The following HK2 variants were observed in gnomAD, a reference collection of about 807,000 sequenced individuals.
HK2 encodes hexokinase 2, also known as hexokinase-2.
In HK2, 42 loss-of-function variants were observed where a neutral mutation model predicts 92.9. The ratio of observed to expected loss-of-function variants is 0.45; its 90% confidence interval spans 0.35 to 0.58. The LOEUF (loss-of-function observed/expected upper bound fraction) is 0.58. Ranked by LOEUF, HK2 falls within the 20% of genes least tolerant of loss-of-function variation. The probability of loss-of-function intolerance (pLI) is 0.00; values close to 1 mark genes in which losing one functional copy is unlikely to be tolerated. For missense variants in HK2, 978 were observed against 1,245.1 expected, an observed-to-expected ratio of 0.79 and a Z score of 3.23; for synonymous variants, 422 against 468.0, an observed-to-expected ratio of 0.90 and a Z score of 1.27.
At chr2:74,872,236 G>A (rs1483084770) in intron 3 of HK2, 64 bp from the exon 4 acceptor site, 16 of 1,574,272 alleles carry the variant, frequency 1.0e-5, no homozygotes, top group Non-Finnish European at 1.3e-5. Context: ...AGCCTGAAGT[G>A]CATGCCCTTA....
chr2:74,862,638 T>A (rs138068617), intron 2 of HK2, among the ~76,000 whole-genome samples: 1 of 152,318 alleles, frequency 6.6e-6, no homozygotes, highest in East Asian at 1.9e-4. Flanking sequence ...AGCGGAGACA[T>A]ACATCCAGAG....
At position 74,877,313 on chromosome 2, in the gene HK2, C is replaced by G; in HGVS notation, c.1023C>G (p.Asp341Glu). The G allele has an allele frequency of 6.2e-7, 1 of 1,614,118 alleles. No individual in the cohort carries two copies. Among genetic ancestry groups the G allele is most frequent in the South Asian group, 1.1e-5 (1 of 91,082 alleles). The stretch of plus-strand genomic sequence containing the variant: ...GCTTTGAGACCAAAGACATCTCAGA[C>G]ATTGAAGGGTGAGCTTCTGGCCAGC... Reference protein sequence around the residue: ...TGRFETKDISDIEGEKDGIRK... With the variant: ...TGRFETKDISEIEGEKDGIRK... The change falls in exon 8 of 18, where the codon GAC (aspartate) becomes GAG (glutamate). Residue 341 changes from aspartate (D) to glutamate (E), a missense_variant. By Grantham distance (45) the Asp-to-Glu change is conservative. Coordinates refer to ENST00000290573, the MANE Select transcript of HK2 (RefSeq NM_000189.5).
intron 4 of HK2, among the ~76,000 whole-genome samples, 191 bp from the exon 5 acceptor site, chr2:74,873,085 A>G (rs1689136915): frequency 6.6e-6 from 1 of 152,270 alleles, no homozygotes; most frequent in African/African-American, 2.4e-5. Flanking sequence ...GTTATGCGGC[A>G]CATGACTGTG....
At chr2:74,886,450 G>A in intron 14 of HK2, 40 bp from the exon 15 acceptor site, 2 of 1,614,036 alleles carry the variant, frequency 1.2e-6, no homozygotes, top group South Asian at 2.2e-5. Flanking sequence ...GTGTGGAGGG[G>A]TTGGTGCTGA....
At chr2:74,879,020 T>G (rs1689314578) in intron 9 of HK2, 99 bp downstream of exon 9, 1 of 1,007,676 alleles carries the variant, frequency 9.9e-7, no homozygotes, top group African/African-American at 1.6e-5. Flanking sequence ...AGGGGTGGTG[T>G]GGAGGGACCA....
Position 74,834,546 on chromosome 2 carries a change from G to T in HK2, c.-35G>T. The T allele has an allele frequency of 6.2e-7, 1 of 1,612,102 alleles. No homozygotes were observed. The highest frequency in any genetic ancestry group is 1.1e-5 in the South Asian group (1 of 91,002). ...GCCTCCCCTCTCGCGTCTCCGCCTC[G>T]GTTTCCCAACTCTGCGCCGTCGGGC... On this transcript the variant is annotated 5_prime_UTR_variant, in exon 1 of 18. Coordinates refer to ENST00000290573, the MANE Select transcript of HK2 (RefSeq NM_000189.5). The surrounding 1 kb of genome is among the most constrained non-coding windows in gnomAD (Gnocchi z 4.2).
chr2:74,854,513 C>CT, intron 2 of HK2, 58 bp downstream of exon 2: 1 of 1,598,208 alleles, frequency 6.3e-7, no homozygotes, highest in Middle Eastern at 1.7e-4. Context: ...ATTTAGTTGG[C>CT]TTTGCTCAGG....
Position 74,873,984 on chromosome 2 carries a change from G to A in HK2, c.691+41G>A. On this transcript the variant is annotated intron_variant, in intron 6 of 17. Transcript: ENST00000290573. ...GCATGAAGGGCCCGTGCTGGCCAAG[G>A]GATGGGGGTGTGGGCTGGAAAGGGA... 1.4e-6 allele frequency: 2 copies of A among 1,468,322 alleles called. 1 individual carries two copies. Among genetic ancestry groups the A allele is most frequent in the Non-Finnish European group, 1.9e-6 (2 of 1,047,984 alleles). The allele number at this position is 1,468,322 out of a possible 1,614,324, so 91.0% of individuals were successfully genotyped here.
intron 1 of HK2, chr2:74,835,107 G>A (rs1183804360): frequency 8.2e-6 from 2 of 245,056 alleles, no homozygotes; most frequent in Non-Finnish European, 1.6e-5. Context: ...ACCGCGTGTA[G>A]GAGACGAGCG....
rs753117701 is a variant in HK2 at position 74,892,421 on chromosome 2, G to C, written c.*1480G>C. 2.0e-5 allele frequency: 3 copies of C among 152,124 alleles called. No individual in the cohort carries two copies. The highest frequency in any genetic ancestry group is 7.2e-5 in the African/African-American group (3 of 41,410). 9.4% of individuals were successfully genotyped at this position (152,124 alleles called of 1,614,324 possible). On this transcript the variant is annotated 3_prime_UTR_variant, in exon 18 of 18. Coordinates refer to ENST00000290573, the MANE Select transcript of HK2 (RefSeq NM_000189.5). Reference sequence around the variant, plus strand: ...CCATGTGCTTCCCTAGGCTGAGCTGGCATTGGTCTGCTGACCTGTTTTTGT... The same window carrying C: ...CCATGTGCTTCCCTAGGCTGAGCTGCCATTGGTCTGCTGACCTGTTTTTGT...
At position 74,858,046 on chromosome 2, in the gene HK2, C is replaced by T. The variant is rs564132069; in HGVS notation, c.226+3591C>T. On this transcript the variant is annotated intron_variant, in intron 2 of 17. Coordinates refer to ENST00000290573, the MANE Select transcript of HK2 (RefSeq NM_000189.5). ...AGTATTCTTTTCAAACCTGAGAAAC[C>T]AAACCCCAGATCTAGAGGGAGCCAA... is the stretch of plus-strand genomic sequence containing the variant. Among the ~76,000 whole-genome samples the T allele has an allele frequency of 9.2e-5, 14 of 152,294 alleles. 1 individual carries two copies. The highest frequency in any genetic ancestry group is 8.3e-4 in the South Asian group (4 of 4,822).
chr2:74,868,928 T>C (rs1399598654), intron 3 of HK2, among the ~76,000 whole-genome samples: 1 of 152,202 alleles, frequency 6.6e-6, no homozygotes, highest in Non-Finnish European at 1.5e-5. Flanking sequence ...CCCTGCAGCG[T>C]CATCCCTAGA....
At position 74,890,679 on chromosome 2, in the gene HK2, CTCT is replaced by C. The variant is rs1381737689; in HGVS notation, c.2610-113_2610-111del. 4.4e-6 allele frequency: 5 copies of C among 1,144,626 alleles called. No homozygotes were observed. The African/African-American group carries it at 4.6e-5, about 10-fold the overall frequency. The allele number at this position is 1,144,626 out of a possible 1,614,324, so 70.9% of individuals were successfully genotyped here. Reference sequence around the variant, plus strand: ...ATACATTATAGCTGTCATCCTTCTCCTCTTCTTAATTATTTCTGTGTTTCCAGC... The same window carrying C: ...ATACATTATAGCTGTCATCCTTCTCCTCTTAATTATTTCTGTGTTTCCAGC... On this transcript the variant is annotated intron_variant, in intron 17 of 17. Coordinates refer to ENST00000290573, the MANE Select transcript of HK2 (RefSeq NM_000189.5).
At chr2:74,879,938 A>G (rs1689340090) in intron 9 of HK2, among the ~76,000 whole-genome samples, 1 of 152,238 alleles carries the variant, frequency 6.6e-6, no homozygotes, top group African/African-American at 2.4e-5. Context: ...GGCTGATGGT[A>G]CCATGTTGGG....
chr2:74,892,501 G>T lies in HK2; in HGVS notation c.*1560G>T, dbSNP rs1290668460. On this transcript the variant is annotated 3_prime_UTR_variant, in exon 18 of 18. Coordinates refer to ENST00000290573, the MANE Select transcript of HK2 (RefSeq NM_000189.5). ...TTTCAAACTATTGGGAGGGATGAGA[G>T]TGGCTTAAAAACTTCCATCCCTACT... 4 of 152,138 alleles carry T rather than the reference G, an allele frequency of 2.6e-5. No homozygotes were observed. Among genetic ancestry groups the T allele is most frequent in the Admixed American group, 1.3e-4 (2 of 15,282 alleles). The allele number at this position is 152,138 out of a possible 1,614,324, so 9.4% of individuals were successfully genotyped here. A position where few individuals can be genotyped will look rare whatever the true frequency, so the allele number is the denominator to read the frequency against.
At chr2:74,846,898 C>T (rs1479390693) in intron 1 of HK2, among the ~76,000 whole-genome samples, 1 of 152,176 alleles carries the variant, frequency 6.6e-6, no homozygotes, top group Non-Finnish European at 1.5e-5. Flanking sequence ...ATGGTCCTTT[C>T]TAAGTTTCTG....
At chr2:74,867,571 A>G in intron 2 of HK2, 65 bp from the exon 3 acceptor site, 1 of 1,589,698 alleles carries the variant, frequency 6.3e-7, no homozygotes, top group Admixed American at 1.7e-5. Context: ...TTGGAGTTTT[A>G]AGTCTCGGTT....
At chr2:74,847,646 A>C (rs1379102799) in intron 1 of HK2, among the ~76,000 whole-genome samples, 1 of 152,210 alleles carries the variant, frequency 6.6e-6, no homozygotes, top group African/African-American at 2.4e-5. Context: ...TTGAGGCTGC[A>C]GTGAACCATG....
chr2:74,835,619 C>T (rs565746414), intron 1 of HK2, among the ~76,000 whole-genome samples: 4 of 151,424 alleles, frequency 2.6e-5, no homozygotes, highest in Admixed American at 2.6e-4. Flanking sequence ...GGGGATGGGG[C>T]CGGGGCCGGG....
Sources: allele counts gnomAD v4.1 joint callset (sites outside exome capture counted in the v4.1 genomes callset), GRCh38; gene constraint gnomAD v4.1.1; non-coding constraint Gnocchi (gnomAD v3.1); transcripts MANE v1.5; gene names NCBI Gene and HGNC (gene_info 2026-07-23, HGNC 2026-07-21).